Variants in RGSL1 observed in about 807,000 individuals in gnomAD.
The protein encoded by RGSL1 is regulator of G protein signaling like 1.
Under a neutral mutation model 124.7 loss-of-function variants are expected in RGSL1, and 97 were observed. That is an observed-to-expected ratio of 0.78 (90% confidence interval 0.66 to 0.92). RGSL1 has a LOEUF of 0.92. Ranked by LOEUF, RGSL1 falls within the 40% of genes least tolerant of loss-of-function variation. The pLI, the probability that RGSL1 is intolerant of heterozygous loss-of-function variation, is 0.00. For synonymous variants in RGSL1, 424 were observed against 438.1 expected (o/e 0.97, Z 0.40); for missense variants, 1,233 against 1,288.4 (o/e 0.96, Z 0.66).
rs376241042 is a variant in RGSL1 at position 182,522,216 on chromosome 1, C to CT, written c.1931+111dup. On this transcript the variant is annotated intron_variant, in intron 10 of 21. Coordinates refer to ENST00000294854, the MANE Select transcript of RGSL1 (RefSeq NM_001137669.2). The stretch of plus-strand genomic sequence containing the variant: ...CTTTCTATGTGTAGGTTTTCAGACC[C>CT]TTTTCCATATACAATACATACAGGT... 1.3e-4 allele frequency: 100 copies of CT among 750,088 alleles called. No homozygotes were observed. The African/African-American group carries it at 1.7e-3, about 13-fold the overall frequency. 46.5% of individuals were successfully genotyped at this position (750,088 alleles called of 1,614,324 possible).
At chr1:182,526,568 G>A (rs1292806544) in intron 10 of RGSL1, among the ~76,000 whole-genome samples, 3 of 152,062 alleles carry the variant, frequency 2.0e-5, no homozygotes, top group South Asian at 4.1e-4. Flanking sequence ...CAGCTACTTG[G>A]GGGCTAAGCA....
At chr1:182,547,041 ATCT>A (rs1479093252) in intron 15 of RGSL1, among the ~76,000 whole-genome samples, 4 of 152,208 alleles carry the variant, frequency 2.6e-5, no homozygotes, top group Non-Finnish European at 4.4e-5. Flanking sequence ...TGGTTAAGAG[ATCT>A]TCTACTCACC....
intron 9 of RGSL1, among the ~76,000 whole-genome samples, chr1:182,494,438 T>C (rs1571566753): frequency 6.6e-6 from 1 of 152,230 alleles, no homozygotes; most frequent in Admixed American, 6.5e-5. Context: ...ATGTGACTGG[T>C]ACATGTGGGT....
chr1:182,559,675 T>G (rs748660144), intron 21 of RGSL1, among the ~76,000 whole-genome samples: 4 of 152,238 alleles, frequency 2.6e-5, no homozygotes, highest in African/African-American at 4.8e-5. Flanking sequence ...AGGCCATTGC[T>G]AATATGGCCT....
At chr1:182,557,046 G>A (rs188535251) in intron 21 of RGSL1, among the ~76,000 whole-genome samples, 1 of 152,318 alleles carries the variant, frequency 6.6e-6, no homozygotes, top group Admixed American at 6.5e-5. Flanking sequence ...TGATGTTGGA[G>A]CAGAACTCAT....
intron 15 of RGSL1, among the ~76,000 whole-genome samples, chr1:182,542,093 T>C (rs1659928317): frequency 6.6e-6 from 1 of 152,140 alleles, no homozygotes; most frequent in South Asian, 2.1e-4. Context: ...TGTGATCCAT[T>C]TGTGTGTTTC....
chr1:182,508,593 C>A (rs1307833171), intron 9 of RGSL1, among the ~76,000 whole-genome samples: 2 of 151,572 alleles, frequency 1.3e-5, no homozygotes, highest in East Asian at 3.9e-4. Context: ...GCCACTGCAC[C>A]CGGCTCTCAT....
chr1:182,458,391 T>A lies in RGSL1; in HGVS notation c.169T>A (p.Leu57Met). Residue 57 changes from leucine to methionine, a missense_variant and splice_region_variant, in exon 3 of 22, where the codon TTG becomes ATG. Transcript: ENST00000294854. ...CTTGTGGCCAGAAATACCTTGTAAC[T>A]TGGTGAGTAAAATTCTTCAGAGGTA... is the stretch of plus-strand genomic sequence containing the variant. Reference protein sequence around the residue: ...WSLWPEIPCNLIAKYKGLLTW... With the variant: ...WSLWPEIPCNMIAKYKGLLTW... 6.4e-7 allele frequency: 1 copy of A among 1,551,312 alleles called. No homozygotes were observed. Among genetic ancestry groups the A allele is most frequent in the Non-Finnish European group, 8.7e-7 (1 of 1,146,392 alleles).
At chr1:182,526,344 A>G (rs1239563033) in intron 10 of RGSL1, among the ~76,000 whole-genome samples, 1 of 152,172 alleles carries the variant, frequency 6.6e-6, no homozygotes, top group African/African-American at 2.4e-5. Context: ...CTTCAATACA[A>G]TATTAGCAAA....
At chr1:182,502,522 C>T (rs1656472902) in intron 9 of RGSL1, among the ~76,000 whole-genome samples, 1 of 152,032 alleles carries the variant, frequency 6.6e-6, no homozygotes, top group Non-Finnish European at 1.5e-5. Context: ...GCTGCAGTGA[C>T]CTATGATCAT....
At chr1:182,457,031 C>T (rs895382649) in intron 2 of RGSL1, among the ~76,000 whole-genome samples, 9 of 152,040 alleles carry the variant, frequency 5.9e-5, no homozygotes, top group African/African-American at 9.7e-5. Flanking sequence ...CCTGTAATCC[C>T]GGCTACTAGG....
At chr1:182,494,088 A>T (rs1655729454) in intron 9 of RGSL1, among the ~76,000 whole-genome samples, 1 of 152,016 alleles carries the variant, frequency 6.6e-6, no homozygotes, top group South Asian at 2.1e-4. Context: ...CTAGACTCTC[A>T]TCTCTGGGAT....
At chr1:182,485,106 G>T (rs1655002537) in intron 6 of RGSL1, among the ~76,000 whole-genome samples, 1 of 152,158 alleles carries the variant, frequency 6.6e-6, no homozygotes. Context: ...TGTGAGGACT[G>T]CAGGGGACCC....
intron 2 of RGSL1, among the ~76,000 whole-genome samples, chr1:182,455,410 T>C (rs990556444): frequency 2.0e-5 from 3 of 151,944 alleles, no homozygotes; most frequent in African/African-American, 4.8e-5. Flanking sequence ...GGTGAAATCC[T>C]GTCTCTACTA....
At chr1:182,486,785 C>T (rs138633814) in intron 6 of RGSL1, among the ~76,000 whole-genome samples, 2,549 of 152,326 alleles carry the variant, frequency 0.017, 70 homozygotes, top group African/African-American at 0.058. Flanking sequence ...AAGCAATTCT[C>T]CTGCCTCAGC....
chr1:182,503,974 C>CTTTTT (rs71124902), intron 9 of RGSL1, among the ~76,000 whole-genome samples: 22 of 118,230 alleles, frequency 1.9e-4, no homozygotes, highest in South Asian at 8.1e-4. Flanking sequence ...TTTGTAATTT[C>CTTTTT]TTTTTTTTTT....
chr1:182,522,608 C>G (rs1399464578), intron 10 of RGSL1, among the ~76,000 whole-genome samples: 2 of 152,186 alleles, frequency 1.3e-5, no homozygotes, highest in African/African-American at 4.8e-5. Flanking sequence ...GGCAAATACT[C>G]TGTGGCCTTT....
rs1192970203 is a variant in RGSL1, at chr1:182,473,681, G to T, written c.570G>T (p.Trp190Cys). The change falls in exon 6 of 22, where the codon TGG becomes TGT. Residue 190 changes from tryptophan to cysteine, a missense_variant. Physicochemically the swap from Trp to Cys is radical, Grantham distance 215. Transcript: ENST00000294854. ...CTCTGTTCAAACTCCAGAGCTATTG[G>T]CTTCCCAACTTTTACACCCACACCA... Reference protein sequence around the residue: ...KVALFKLQSYWLPNFYTHTKM... With the variant: ...KVALFKLQSYCLPNFYTHTKM... 6.4e-7 allele frequency: 1 copy of T among 1,551,564 alleles called. No homozygotes were observed. Among genetic ancestry groups the T allele is most frequent in the East Asian group, 2.4e-5 (1 of 40,932 alleles).
Position 182,553,556 on chromosome 1 carries a change from G to A in RGSL1, c.3130+15G>A, listed in dbSNP as rs979573452. ...AGTTCAAAATTGTGAGTTGGAATTG[G>A]ATCCCCACTGATAGTTTGCTACTCA... On this transcript the variant is annotated intron_variant, in intron 19 of 21. Coordinates refer to ENST00000294854, the MANE Select transcript of RGSL1 (RefSeq NM_001137669.2). 1 of 1,548,440 alleles carries A rather than the reference G, an allele frequency of 6.5e-7. No individual in the cohort carries two copies. The highest frequency in any genetic ancestry group is 2.0e-5 in the Admixed American group (1 of 50,924).
Sources: gnomAD v4.1 joint callset for allele counts (sites outside exome capture counted in the v4.1 genomes callset) on GRCh38, gnomAD v4.1.1 for gene constraint, MANE v1.5 for transcripts, NCBI Gene and HGNC (gene_info 2026-07-23, HGNC 2026-07-21) for gene names.